Variants in ALKBH8 observed in about 807,000 individuals in gnomAD.
The protein encoded by ALKBH8 is tRNA (carboxymethyluridine(34)-5-O)-methyltransferase ALKBH8.
Under a neutral mutation model 59.8 loss-of-function variants are expected in ALKBH8, and 36 were observed. The ratio of observed to expected loss-of-function variants is 0.60; its 90% CI spans 0.46 to 0.79. The LOEUF (loss-of-function observed/expected upper bound fraction) is 0.79. ALKBH8 is among the 30% of genes least tolerant of loss of function. The probability of loss-of-function intolerance (pLI) is 0.00; values close to 1 mark genes in which losing one functional copy is unlikely to be tolerated. For missense variants in ALKBH8, 768 were observed against 801.0 expected (o/e 0.96, Z 0.50); for synonymous variants, 276 against 273.6 (o/e 1.01, Z -0.09).
At chr11:107,554,567 G>A (rs1477491222) in intron 3 of ALKBH8, among the ~76,000 whole-genome samples, 3 of 152,130 alleles carry the variant, frequency 2.0e-5, no homozygotes. Flanking sequence ...AGGGAATAGT[G>A]TATTCACATT....
At chr11:107,523,602 C>CTT (rs58698577) in intron 9 of ALKBH8, among the ~76,000 whole-genome samples, 8 of 97,066 alleles carry the variant, frequency 8.2e-5, no homozygotes, top group African/African-American at 3.0e-4. Flanking sequence ...AGAATAAATT[C>CTT]TTTTTTTTTT....
intron 7 of ALKBH8, among the ~76,000 whole-genome samples, chr11:107,534,143 T>C (rs1863713368): frequency 6.6e-6 from 1 of 151,856 alleles, no homozygotes. Flanking sequence ...AAAAAATAAA[T>C]AAATAAATAA....
chr11:107,561,062 A>G (rs1864918212), intron 1 of ALKBH8, among the ~76,000 whole-genome samples, 163 bp from the exon 2 acceptor site: 1 of 152,216 alleles, frequency 6.6e-6, no homozygotes, highest in Non-Finnish European at 1.5e-5. Flanking sequence ...GAACAGATAA[A>G]TAAAAAATGA....
intron 2 of ALKBH8, among the ~76,000 whole-genome samples, chr11:107,558,925 A>C (rs770098156): frequency 2.0e-5 from 3 of 152,174 alleles, no homozygotes; most frequent in Non-Finnish European, 4.4e-5. Context: ...AATACATCCG[A>C]TATGGTTTGG....
chr11:107,513,268 A>G (rs889352272), intron 10 of ALKBH8, among the ~76,000 whole-genome samples: 1 of 152,192 alleles, frequency 6.6e-6, no homozygotes, highest in Admixed American at 6.5e-5. Context: ...TTCAAAAGAC[A>G]TACACGTGGC....
chr11:107,547,658 A>G (rs946597428), intron 7 of ALKBH8, among the ~76,000 whole-genome samples: 1 of 74,538 alleles, frequency 1.3e-5, no homozygotes, highest in Non-Finnish European at 3.6e-5. Context: ...ACTTAAAATT[A>G]TAAGGGTTTT....
chr11:107,530,600 A>AACACACAC lies in ALKBH8; in HGVS notation c.878+1692_878+1699dup, dbSNP rs66736211. On this transcript the variant is annotated intron_variant, in intron 8 of 11. Transcript: ENST00000428149. ...CATTTCCCCATCTCTCTCTCTTCCT[A>AACACACAC]ACACACACACACACACACACACACA... Among the ~76,000 whole-genome samples the AACACACAC allele has an allele frequency of 8.1e-3, 1,064 of 132,136 alleles. 19 individuals are homozygous for AACACACAC. Among genetic ancestry groups the AACACACAC allele is most frequent in the East Asian group, 0.055 (240 of 4,396 alleles). The allele number at this position is 132,136 out of a possible 152,430, so 86.7% of individuals were successfully genotyped here. A position where few individuals can be genotyped will look rare whatever the true frequency, so the allele number is the denominator to read the frequency against.
At chr11:107,507,235 T>C (rs1862424992) in intron 11 of ALKBH8, among the ~76,000 whole-genome samples, 1 of 152,196 alleles carries the variant, frequency 6.6e-6, no homozygotes, top group Non-Finnish European at 1.5e-5. Context: ...CTCTTAGCCT[T>C]AGATAATGCC....
chr11:107,524,480 C>A (rs1863267757), intron 9 of ALKBH8, among the ~76,000 whole-genome samples: 1 of 152,188 alleles, frequency 6.6e-6, no homozygotes, highest in Non-Finnish European at 1.5e-5. Context: ...GTCTCTCCAA[C>A]TACACTTTAA....
chr11:107,555,173 T>C (rs938049785), intron 3 of ALKBH8, among the ~76,000 whole-genome samples: 1 of 152,142 alleles, frequency 6.6e-6, no homozygotes, highest in Admixed American at 6.5e-5. Context: ...GGAAGGAGAA[T>C]GGTGTGAACC....
chr11:107,527,846 A>C (rs1863417176), intron 8 of ALKBH8, among the ~76,000 whole-genome samples: 1 of 152,042 alleles, frequency 6.6e-6, no homozygotes, highest in Non-Finnish European at 1.5e-5. Flanking sequence ...GATATCCAAT[A>C]TAGCATTAAA....
intron 7 of ALKBH8, among the ~76,000 whole-genome samples, chr11:107,543,688 A>T (rs528389279): frequency 1.5e-4 from 23 of 152,354 alleles, no homozygotes; most frequent in African/African-American, 5.1e-4. Context: ...ACATAAATGA[A>T]TGAAAATTAA....
intron 8 of ALKBH8, among the ~76,000 whole-genome samples, chr11:107,530,600 A>AACACACACACACACACACACAC (rs66736211): frequency 7.6e-6 from 1 of 132,102 alleles, no homozygotes; most frequent in African/African-American, 3.0e-5. Flanking sequence ...CTCTCTTCCT[A>AACACACACACACACACACACAC]ACACACACAC....
chr11:107,549,775 AC>A lies in ALKBH8; in HGVS notation c.748del (p.Val250PhefsTer32). The A allele has an allele frequency of 1.3e-6, 2 of 1,550,194 alleles. No individual in the cohort carries two copies. The highest frequency in any genetic ancestry group is 1.7e-6 in the Non-Finnish European group (2 of 1,145,758). On this transcript the variant is annotated frameshift_variant, in exon 7 of 12. Coordinates refer to ENST00000428149, the MANE Select transcript of ALKBH8 (RefSeq NM_138775.3). LOFTEE classifies it high-confidence loss of function. ...TACCTCTGACCCCAAACTGAGAGAA[AC>A]GATCTCATCCTCAAAAGCGGAATGT... The part of the protein sequence containing the change: ...DTHSAFEDEI[V>X]SLSLGSEIVM...
intron 10 of ALKBH8, 131 bp from the exon 11 acceptor site, chr11:107,511,167 T>C (rs1197917593): frequency 3.3e-6 from 3 of 904,122 alleles, no homozygotes; most frequent in Admixed American, 2.7e-5. Flanking sequence ...GAGACCATGA[T>C]ACTATCGGTT....
chr11:107,516,085 C>T (rs1862852444), intron 10 of ALKBH8, among the ~76,000 whole-genome samples: 1 of 152,184 alleles, frequency 6.6e-6, no homozygotes, highest in African/African-American at 2.4e-5. Flanking sequence ...ACTTAAGCCA[C>T]ATAACACACT....
chr11:107,541,568 A>C (rs1232973031), intron 7 of ALKBH8, among the ~76,000 whole-genome samples: 1 of 152,216 alleles, frequency 6.6e-6, no homozygotes, highest in Non-Finnish European at 1.5e-5. Flanking sequence ...TAAAGAACAA[A>C]GCTAAAATCC....
intron 9 of ALKBH8, among the ~76,000 whole-genome samples, chr11:107,523,252 A>G (rs1450877275): frequency 6.6e-6 from 1 of 152,182 alleles, no homozygotes; most frequent in Non-Finnish European, 1.5e-5. Flanking sequence ...TATGGTACAT[A>G]TACACAACAG....
intron 7 of ALKBH8, among the ~76,000 whole-genome samples, chr11:107,540,851 A>G (rs1460815516): frequency 6.6e-6 from 1 of 152,246 alleles, no homozygotes; most frequent in African/African-American, 2.4e-5. Context: ...TTTACTTGTT[A>G]CAGTCTGTCT....
Sources: gnomAD v4.1 joint callset for allele counts (sites outside exome capture counted in the v4.1 genomes callset) on GRCh38, gnomAD v4.1.1 for gene constraint, MANE v1.5 for transcripts, NCBI Gene and HGNC (gene_info 2026-07-23, HGNC 2026-07-21) for gene names.